The following FAM163A variants were observed in gnomAD, a reference collection of about 807,000 sequenced individuals.
FAM163A encodes the protein protein FAM163A.
Under a neutral mutation model 12.0 loss-of-function variants are expected in FAM163A, and 7 were observed. The observed-to-expected ratio is 0.58, with a 90% confidence interval of 0.33 to 1.10. The LOEUF is 1.10. Ranked by LOEUF, FAM163A falls within the 50% of genes least tolerant of loss-of-function variation. The probability of loss-of-function intolerance (pLI) is 0.03; values close to 1 mark genes in which losing one functional copy is unlikely to be tolerated. For missense variants in FAM163A, 202 were observed against 218.6 expected, an observed-to-expected ratio of 0.92 and a Z score of 0.48; for synonymous variants, 101 against 91.0, an observed-to-expected ratio of 1.11 and a Z score of -0.62.
At chr1:179,801,922 A>T (rs1366664969) in intron 1 of FAM163A, among the ~76,000 whole-genome samples, 1 of 152,196 alleles carries the variant, frequency 6.6e-6, no homozygotes, top group East Asian at 1.9e-4. Flanking sequence ...AAATATACCC[A>T]CAGGATACCT....
At chr1:179,769,812 A>T (rs1310284869) in intron 1 of FAM163A, among the ~76,000 whole-genome samples, 2 of 151,022 alleles carry the variant, frequency 1.3e-5, no homozygotes, top group Admixed American at 1.3e-4. Flanking sequence ...CAGCTTTCTT[A>T]CTTATAAACA....
At chr1:179,806,873 G>A (rs566922479) in intron 1 of FAM163A, among the ~76,000 whole-genome samples, 9 of 152,284 alleles carry the variant, frequency 5.9e-5, no homozygotes, top group African/African-American at 2.2e-4. Context: ...GGAGGCCAAG[G>A]CAGGAGGGTC....
the FAM163A span, among the ~76,000 whole-genome samples, chr1:179,727,862 A>G: frequency 6.6e-6 from 1 of 152,210 alleles, no homozygotes; most frequent in Non-Finnish European, 1.5e-5. Flanking sequence ...GGTGTCAAAC[A>G]CTGACAAAAT....
intron 1 of FAM163A, among the ~76,000 whole-genome samples, chr1:179,746,523 T>C (rs1323664097): frequency 1.3e-5 from 2 of 152,222 alleles, no homozygotes; most frequent in Non-Finnish European, 1.5e-5. Flanking sequence ...AATATGCTGC[T>C]GCTCGTGTTA....
chr1:179,731,510 C>T, the FAM163A span, among the ~76,000 whole-genome samples: 1 of 152,190 alleles, frequency 6.6e-6, no homozygotes, highest in Non-Finnish European at 1.5e-5. Context: ...GAGCAGTTTG[C>T]TCCATAAGGC....
chr1:179,778,767 C>T (rs1009752165), intron 1 of FAM163A, among the ~76,000 whole-genome samples: 23 of 151,700 alleles, frequency 1.5e-4, no homozygotes, highest in African/African-American at 5.3e-4. Flanking sequence ...ATGTATAAGG[C>T]GTGAGGGGTG....
intron 4 of FAM163A, among the ~76,000 whole-genome samples, chr1:179,813,515 C>A (rs1037328156): frequency 6.6e-6 from 1 of 152,314 alleles, no homozygotes; most frequent in South Asian, 2.1e-4. Flanking sequence ...GCAGCTCCAG[C>A]CCTGTCCTCA....
intron 1 of FAM163A, among the ~76,000 whole-genome samples, chr1:179,764,357 G>A (rs184721605): frequency 1.1e-4 from 16 of 152,318 alleles, no homozygotes; most frequent in Admixed American, 9.1e-4. Flanking sequence ...GAGGAACAGA[G>A]AAACTGAGCC....
At chr1:179,736,195 G>A in the FAM163A span, among the ~76,000 whole-genome samples, 43 of 152,104 alleles carry the variant, frequency 2.8e-4, no homozygotes, top group African/African-American at 9.6e-4. Context: ...TACATTAAAC[G>A]AAAAAGCTTC....
intron 1 of FAM163A, among the ~76,000 whole-genome samples, chr1:179,778,830 C>T (rs1689334785): frequency 6.6e-6 from 1 of 152,190 alleles, no homozygotes; most frequent in South Asian, 2.1e-4. Context: ...GGGCTGGGTG[C>T]AACCCACCTA....
Position 179,813,057 on chromosome 1 carries a change from C to T in FAM163A, c.-22-19C>T. 6.5e-7 allele frequency: 1 copy of T among 1,548,532 alleles called. No homozygotes were observed. The highest frequency in any genetic ancestry group is 8.7e-7 in the Non-Finnish European group (1 of 1,144,392). On this transcript the variant is annotated intron_variant, in intron 3 of 4. Coordinates refer to ENST00000341785, the MANE Select transcript of FAM163A (RefSeq NM_173509.3). ...GCTGCAGCCACAGCTGGTCCTCAGCCCTCCGCACATCTTTGCAGAGTTTGA... is the reference window on the plus strand; with the variant it reads ...GCTGCAGCCACAGCTGGTCCTCAGCTCTCCGCACATCTTTGCAGAGTTTGA...
intron 1 of FAM163A, among the ~76,000 whole-genome samples, chr1:179,804,498 T>C (rs1693640495): frequency 6.6e-6 from 1 of 152,224 alleles, no homozygotes; most frequent in Admixed American, 6.5e-5. Context: ...TAAAGACACA[T>C]GCACACATGT....
intron 1 of FAM163A, among the ~76,000 whole-genome samples, chr1:179,754,910 G>A (rs1159834121): frequency 6.6e-6 from 1 of 152,180 alleles, no homozygotes; most frequent in Non-Finnish European, 1.5e-5. Context: ...GCCAAGGCGG[G>A]CAGATCACTT....
intron 1 of FAM163A, among the ~76,000 whole-genome samples, chr1:179,762,690 G>A (rs936498212): frequency 6.6e-5 from 10 of 152,156 alleles, no homozygotes; most frequent in African/African-American, 1.9e-4. Context: ...GGGAGGCTTC[G>A]GCTCACATCT....
chr1:179,783,820 A>G (rs1415319587), intron 1 of FAM163A, among the ~76,000 whole-genome samples: 3 of 146,754 alleles, frequency 2.0e-5, no homozygotes, highest in South Asian at 2.1e-4. Context: ...CCCAAATATT[A>G]TATAATTATA....
At chr1:179,800,724 T>C (rs1693046174) in intron 1 of FAM163A, among the ~76,000 whole-genome samples, 1 of 152,046 alleles carries the variant, frequency 6.6e-6, no homozygotes, top group African/African-American at 2.4e-5. Flanking sequence ...AAGTAGTAGA[T>C]GAAGGATAAA....
intron 1 of FAM163A, among the ~76,000 whole-genome samples, chr1:179,769,900 C>CTTTTTTTTTTTTTTT (rs1196869449): frequency 1.0e-5 from 1 of 97,130 alleles, no homozygotes; most frequent in Admixed American, 1.3e-4. Flanking sequence ...ATCCCTAATT[C>CTTTTTTTTTTTTTTT]TTTTTTTTTT....
intron 2 of FAM163A, among the ~76,000 whole-genome samples, chr1:179,809,877 C>G (rs1275135912): frequency 6.6e-6 from 1 of 152,148 alleles, no homozygotes; most frequent in Non-Finnish European, 1.5e-5. Context: ...ATTCATCTGA[C>G]CCCGCCTCCA....
intron 1 of FAM163A, among the ~76,000 whole-genome samples, chr1:179,803,382 A>G (rs1358036343): frequency 6.6e-6 from 1 of 152,110 alleles, no homozygotes; most frequent in Non-Finnish European, 1.5e-5. Flanking sequence ...TCATCCAGGC[A>G]GTGAGGCGAG....
Sources: gnomAD v4.1 joint callset for allele counts (sites outside exome capture counted in the v4.1 genomes callset) on GRCh38, gnomAD v4.1.1 for gene constraint, MANE v1.5 for transcripts, NCBI Gene and HGNC (gene_info 2026-07-23, HGNC 2026-07-21) for gene names.